Variants in ANKRD20A1 observed in about 807,000 individuals in gnomAD.
The protein encoded by ANKRD20A1 is ankyrin repeat domain 20 family member A1, also known as ankyrin repeat domain-containing protein 20A1.
A neutral mutation model predicts 50.9 loss-of-function variants in ANKRD20A1; 2 were observed. The ratio of observed to expected loss-of-function variants is 0.04; its 90% CI spans 0.02 to 0.12. ANKRD20A1 has a LOEUF of 0.12. ANKRD20A1 is among the 10% of genes least tolerant of loss of function. The pLI, the probability that ANKRD20A1 is intolerant of heterozygous loss-of-function variation, is 1.00. For missense variants in ANKRD20A1, 31 were observed against 548.1 expected (o/e 0.06, Z 9.42); for synonymous variants, 10 against 186.2 (o/e 0.05, Z 7.70).
At chr9:67,864,658 CA>C (rs1287153657) in intron 3 of ANKRD20A1, among the ~76,000 whole-genome samples, 453 of 14,594 alleles carry the variant, frequency 0.031, 179 homozygotes, top group African/African-American at 0.13. Context: ...CAATAATAGC[CA>C]AAAAAAAAAA....
intron 8 of ANKRD20A1, among the ~76,000 whole-genome samples, chr9:67,882,056 T>C (rs1207404261): frequency 6.9e-6 from 1 of 144,318 alleles, no homozygotes; most frequent in Non-Finnish European, 1.5e-5. Flanking sequence ...CTTGGCTCAC[T>C]CCAATCTCCA....
At chr9:67,867,631 T>C (rs1827594960) in intron 4 of ANKRD20A1, among the ~76,000 whole-genome samples, 1 of 152,154 alleles carries the variant, frequency 6.6e-6, no homozygotes, top group Non-Finnish European at 1.5e-5. Flanking sequence ...TGTAATCTTT[T>C]ATTAGCTAAA....
At position 67,872,429 on chromosome 9, in the gene ANKRD20A1, A is replaced by G. The variant is rs1289739784; in HGVS notation, c.793+1217A>G. Among the ~76,000 whole-genome samples, 5 of 120,944 alleles carry G rather than the reference A, an allele frequency of 4.1e-5. 1 individual carries two copies. The South Asian group carries it at 1.2e-3, about 30-fold the overall frequency. 79.3% of individuals were successfully genotyped at this position (120,944 alleles called of 152,430 possible). On this transcript the variant is annotated intron_variant, in intron 6 of 14. Coordinates refer to ENST00000562196, the MANE Select transcript of ANKRD20A1 (RefSeq NM_032250.5). ...TGCTGATTCTTAATGACCAAATCCA[A>G]CTGTTCACAGAGAGCGGTGGATAGC... is the stretch of plus-strand genomic sequence containing the variant.
chr9:67,882,616 A>G (rs1345317173), intron 8 of ANKRD20A1, among the ~76,000 whole-genome samples: 15 of 149,042 alleles, frequency 1.0e-4, no homozygotes, highest in Non-Finnish European at 1.6e-4. Context: ...TTTATTAAAT[A>G]TACTTTTTCA....
chr9:67,884,782 C>G (rs1422513795), intron 9 of ANKRD20A1, among the ~76,000 whole-genome samples: 1 of 151,020 alleles, frequency 6.6e-6, no homozygotes, highest in Admixed American at 6.7e-5. Flanking sequence ...CCCAGCTACT[C>G]AGGAGGCTGA....
chr9:67,885,363 C>T (rs1463291100), intron 9 of ANKRD20A1, among the ~76,000 whole-genome samples: 4 of 152,294 alleles, frequency 2.6e-5, no homozygotes, highest in East Asian at 1.9e-4. Flanking sequence ...GTCATCCTCA[C>T]TACTGGGGAG....
chr9:67,881,654 G>A (rs1427859563), intron 8 of ANKRD20A1, among the ~76,000 whole-genome samples: 3 of 152,246 alleles, frequency 2.0e-5, no homozygotes, highest in Non-Finnish European at 2.9e-5. Context: ...AATTAACCAG[G>A]CGTGATGGTG....
rs1287328393 is a variant in ANKRD20A1, at chr9:67,881,719, C to CGGGA, written c.894+1177_894+1180dup. 4.1e-5 allele frequency among the ~76,000 whole-genome samples: 6 copies of CGGGA among 147,956 alleles called. No homozygotes were observed. In the East Asian group the frequency reaches 9.9e-4, roughly 24 times the overall value. On this transcript the variant is annotated intron_variant, in intron 8 of 14. Coordinates refer to ENST00000562196, the MANE Select transcript of ANKRD20A1 (RefSeq NM_032250.5). Reference sequence around the variant, plus strand: ...CCAAGGTGGGAGAATCGCTTGAACCCGGGAGGCGGAGGTTGCAGTGAGCCA... The same window carrying CGGGA: ...CCAAGGTGGGAGAATCGCTTGAACCCGGGAGGGAGGCGGAGGTTGCAGTGAGCCA...
At chr9:67,884,940 A>G (rs1284888016) in intron 9 of ANKRD20A1, among the ~76,000 whole-genome samples, 1 of 139,886 alleles carries the variant, frequency 7.1e-6, no homozygotes, top group African/African-American at 2.5e-5. Flanking sequence ...CTTTGAAAAT[A>G]TGAGCACTAA....
At position 67,860,392 on chromosome 9, in the gene ANKRD20A1, T is replaced by C. The variant is rs1229152532; in HGVS notation, c.203+763T>C. ...ATAAGATATATATATATTACTGATA[T>C]GTATACATATATAACACATATGTTA... On this transcript the variant is annotated intron_variant, in intron 1 of 14. Coordinates refer to ENST00000562196, the MANE Select transcript of ANKRD20A1 (RefSeq NM_032250.5). 7.8e-5 allele frequency: 3 copies of C among 38,566 alleles called. 1 individual carries two copies. The highest frequency in any genetic ancestry group is 1.3e-4 in the African/African-American group (1 of 7,434). 2.4% of individuals were successfully genotyped at this position (38,566 alleles called of 1,614,324 possible).
In ANKRD20A1 at chr9:67,896,303, T is replaced by C. The variant is rs1827999925; in HGVS notation, c.1153-1256T>C. Among the ~76,000 whole-genome samples, 2 of 78,104 alleles carry C rather than the reference T, an allele frequency of 2.6e-5. 1 individual carries two copies. The highest frequency in any genetic ancestry group is 5.6e-5 in the Non-Finnish European group (2 of 35,830). The allele number at this position is 78,104 out of a possible 152,430, so 51.2% of individuals were successfully genotyped here. On this transcript the variant is annotated intron_variant, in intron 12 of 14. Transcript: ENST00000562196. ...AGTCTGTTTAATGTGTTTTCATGCA[T>C]GCAAGTTTATCTGCTTAGCTCAAAC...
chr9:67,863,734 TAAAACTC>T (rs1219327668), intron 3 of ANKRD20A1, among the ~76,000 whole-genome samples: 1 of 41,014 alleles, frequency 2.4e-5, no homozygotes, highest in Admixed American at 2.0e-4. Context: ...GGCTTTATCT[TAAAACTC>T]AAACAAAACT....
chr9:67,882,941 C>T (rs1453493488), intron 8 of ANKRD20A1, among the ~76,000 whole-genome samples: 10 of 151,206 alleles, frequency 6.6e-5, no homozygotes, highest in Non-Finnish European at 1.5e-4. Context: ...CCAGCTTCAT[C>T]CATGTCCCTA....
intron 5 of ANKRD20A1, 134 bp downstream of exon 5, chr9:67,868,700 CT>C: frequency 1.6e-6 from 1 of 613,294 alleles, no homozygotes; most frequent in Non-Finnish European, 2.3e-6. Flanking sequence ...GTTAGTCTAC[CT>C]TTTAGCCAGA....
intron 8 of ANKRD20A1, among the ~76,000 whole-genome samples, chr9:67,881,169 C>G (rs1235184397): frequency 6.7e-6 from 1 of 149,720 alleles, no homozygotes; most frequent in Non-Finnish European, 1.5e-5. Context: ...GTCCCTGCTA[C>G]TTGGGAATTT....
At position 67,884,536 on chromosome 9, in the gene ANKRD20A1, A is replaced by G. The variant is rs752030041; in HGVS notation, c.945A>G (p.Glu315=). The G allele has an allele frequency of 6.3e-7, 1 of 1,591,722 alleles. No homozygotes were observed. Among genetic ancestry groups the G allele is most frequent in the African/African-American group, 1.3e-5 (1 of 74,572 alleles). ...VSEPLPGSSH[E]KGNRIVNGQG... Reference sequence around the variant, plus strand: ...AGCCTTTACCTGGATCTTCGCATGAAAAAGGAAACAGAATAGTCAATGGAC... The same window carrying G: ...AGCCTTTACCTGGATCTTCGCATGAGAAAGGAAACAGAATAGTCAATGGAC... The change falls in exon 9 of 15, where the codon GAA becomes GAG. Residue 315 remains glutamate, a synonymous_variant. Transcript: ENST00000562196.
At chr9:67,865,720 A>AGGT (rs1554810666) in intron 3 of ANKRD20A1, among the ~76,000 whole-genome samples, 2 of 122,304 alleles carry the variant, frequency 1.6e-5, no homozygotes, top group African/African-American at 2.9e-5. Flanking sequence ...CCTTTATAGA[A>AGGT]GGCAGGTATT....
At chr9:67,871,902 CAT>C (rs1174156353) in intron 6 of ANKRD20A1, among the ~76,000 whole-genome samples, 5 of 140,442 alleles carry the variant, frequency 3.6e-5, no homozygotes, top group African/African-American at 1.3e-4. Flanking sequence ...TCAGGAGAAA[CAT>C]ATTGACTTTT....
chr9:67,881,032 CTT>C (rs1827785042), intron 8 of ANKRD20A1, among the ~76,000 whole-genome samples: 1 of 143,974 alleles, frequency 6.9e-6, no homozygotes, highest in Non-Finnish European at 1.5e-5. Flanking sequence ...TTCTTGGAAA[CTT>C]ATTATTTTGG....
Sources: gnomAD v4.1 joint callset for allele counts (sites outside exome capture counted in the v4.1 genomes callset) on GRCh38, gnomAD v4.1.1 for gene constraint, MANE v1.5 for transcripts, NCBI Gene and HGNC (gene_info 2026-07-23, HGNC 2026-07-21) for gene names.